The following CREBBP variants were observed in gnomAD, a reference collection of about 807,000 sequenced individuals.
CREBBP encodes the protein CREB binding lysine acetyltransferase, also known as CREB-binding protein.
Under a neutral mutation model 265.0 loss-of-function variants are expected in CREBBP, and 19 were observed. That is an observed-to-expected ratio of 0.07 (90% CI 0.05 to 0.11). CREBBP has a LOEUF of 0.11. CREBBP is among the 10% of genes least tolerant of loss of function. The pLI, the probability that CREBBP is intolerant of heterozygous loss-of-function variation, is 1.00. For missense variants in CREBBP, 2,525 were observed against 3,219.0 expected, an observed-to-expected ratio of 0.78 and a Z score of 5.22; for synonymous variants, 1,457 against 1,223.7, an observed-to-expected ratio of 1.19 and a Z score of -3.98.
intron 16 of CREBBP, 132 bp downstream of exon 16, chr16:3,767,588 G>A (rs1596878044): frequency 4.1e-6 from 5 of 1,233,088 alleles, no homozygotes; most frequent in Non-Finnish European, 5.8e-6. Flanking sequence ...GGAAAGTCTG[G>A]GGAATGGCAG....
chr16:3,737,704 T>G (rs541788637), intron 26 of CREBBP, among the ~76,000 whole-genome samples: 7 of 151,688 alleles, frequency 4.6e-5, no homozygotes, highest in African/African-American at 1.7e-4. Flanking sequence ...TCTCAGGTGA[T>G]CCACCTGCCT....
chr16:3,763,065 C>A (rs912464984), intron 16 of CREBBP, among the ~76,000 whole-genome samples: 1 of 150,810 alleles, frequency 6.6e-6, no homozygotes, highest in East Asian at 2.0e-4. Context: ...TGAGCCACCA[C>A]GCCCGGCCAC....
In CREBBP at chr16:3,725,411, C is replaced by G. The variant is rs1395494027; in HGVS notation, c.*2307G>C. 1 of 233,200 alleles carries G rather than the reference C, an allele frequency of 4.3e-6. No homozygotes were observed. Among genetic ancestry groups the G allele is most frequent in the Non-Finnish European group, 8.5e-6 (1 of 118,056 alleles). The allele number at this position is 233,200 out of a possible 1,614,324, so 14.4% of individuals were successfully genotyped here. A position where few individuals can be genotyped will look rare whatever the true frequency, so the allele number is the denominator to read the frequency against. The stretch of plus-strand genomic sequence containing the variant: ...AGGCTGCACAACCAGGAGGGCGCCA[C>G]TTTCTGAGTGTGGGCTTAGAGCTGC... On this transcript the variant is annotated 3_prime_UTR_variant, in exon 31 of 31. Coordinates refer to ENST00000262367, the MANE Select transcript of CREBBP (RefSeq NM_004380.3).
chr16:3,744,955 C>A lies in CREBBP; in HGVS notation c.3921G>T (p.Val1307=), dbSNP rs1413353738. 1.2e-6 allele frequency: 2 copies of A among 1,611,946 alleles called. No homozygotes were observed. Among genetic ancestry groups the A allele is most frequent in the African/African-American group, 2.7e-5 (2 of 74,846 alleles). Residue 1307 remains valine, a synonymous_variant, in exon 23 of 31, where the codon GTG becomes GTT. Transcript: ENST00000262367. ...CAGTTTTCTTCAAGCAGTTGTCGCACACAAAACTGCAAAATAATAGTGGTA... is the reference window on the plus strand; with the variant it reads ...CAGTTTTCTTCAAGCAGTTGTCGCAAACAAAACTGCAAAATAATAGTGGTA... ...HYDIIWPSGF[V]CDNCLKKTGR... is the part of the protein sequence containing the mutation.
At chr16:3,769,374 C>G (rs758660168) in intron 14 of CREBBP, 21 bp from the exon 15 acceptor site, 1 of 1,613,990 alleles carries the variant, frequency 6.2e-7, no homozygotes, top group Non-Finnish European at 8.5e-7. Context: ...ACCGAAAGCA[C>G]TGACTTCAGT....
chr16:3,725,954 A>C lies in CREBBP; in HGVS notation c.*1764T>G, dbSNP rs1038179164. ...CTCCCCTGCCCATGGTCCTCCTCTC[A>C]GTTTTACGGTTTTTGTGAACTTGTC... On this transcript the variant is annotated 3_prime_UTR_variant, in exon 31 of 31. Transcript: ENST00000262367. The C allele has an allele frequency of 8.6e-6, 2 of 232,918 alleles. No homozygotes were observed. The highest frequency in any genetic ancestry group is 1.7e-5 in the Non-Finnish European group (2 of 117,958). 14.4% of individuals were successfully genotyped at this position (232,918 alleles called of 1,614,324 possible).
At chr16:3,773,612 C>G in intron 13 of CREBBP, 139 bp downstream of exon 13, 1 of 909,390 alleles carries the variant, frequency 1.1e-6, no homozygotes, top group Non-Finnish European at 1.7e-6. Flanking sequence ...GTGGAGAAAA[C>G]AAAGAGAAGC....
chr16:3,736,924 G>A, intron 26 of CREBBP, 109 bp from the exon 27 acceptor site: 1 of 1,332,580 alleles, frequency 7.5e-7, no homozygotes, highest in Non-Finnish European at 1.1e-6. Context: ...GAAGTAACCA[G>A]AGAGAGAGAA....
At chr16:3,822,090 AAATT>A (rs1364048754) in intron 2 of CREBBP, among the ~76,000 whole-genome samples, 5 of 152,198 alleles carry the variant, frequency 3.3e-5, no homozygotes, top group Non-Finnish European at 7.3e-5. Context: ...TGTAAAGACG[AAATT>A]AATTTACACT....
intron 2 of CREBBP, among the ~76,000 whole-genome samples, chr16:3,848,205 A>C (rs1356304894): frequency 6.6e-6 from 1 of 151,936 alleles, no homozygotes; most frequent in Non-Finnish European, 1.5e-5. Context: ...ATATGAGACC[A>C]CTGGAAACGT....
chr16:3,822,393 A>C (rs2054158694), intron 2 of CREBBP, among the ~76,000 whole-genome samples: 1 of 152,232 alleles, frequency 6.6e-6, no homozygotes, highest in Non-Finnish European at 1.5e-5. Flanking sequence ...ACAGCCACTG[A>C]CTATTTCTAG....
At chr16:3,847,380 T>C (rs2054689786) in intron 2 of CREBBP, among the ~76,000 whole-genome samples, 1 of 152,196 alleles carries the variant, frequency 6.6e-6, no homozygotes, top group South Asian at 2.1e-4. Flanking sequence ...AAAATCTAGT[T>C]GGCTCTGCTA....
chr16:3,815,936 T>G (rs1039042689), intron 2 of CREBBP, among the ~76,000 whole-genome samples: 1 of 152,040 alleles, frequency 6.6e-6, no homozygotes, highest in Admixed American at 6.6e-5. Context: ...TAAATAAAAT[T>G]AAAAAAGCAG....
At chr16:3,737,724 A>G (rs988390796) in intron 26 of CREBBP, among the ~76,000 whole-genome samples, 1 of 151,108 alleles carries the variant, frequency 6.6e-6, no homozygotes, top group Non-Finnish European at 1.5e-5. Context: ...TTGGCCTCCC[A>G]AAGTACTAGG....
chr16:3,777,831 GAGAGA>G, intron 10 of CREBBP, 174 bp from the exon 11 acceptor site: 1 of 1,071,374 alleles, frequency 9.3e-7, no homozygotes, highest in South Asian at 1.3e-5. Context: ...GCCTTCCCAA[GAGAGA>G]AACTCAGTGT....
intron 3 of CREBBP, among the ~76,000 whole-genome samples, chr16:3,799,570 G>A (rs984651630): frequency 6.6e-6 from 1 of 152,212 alleles, no homozygotes; most frequent in African/African-American, 2.4e-5. Flanking sequence ...TCATTGTTAA[G>A]GAAGTAATTG....
chr16:3,737,774 T>A (rs2052103747), intron 26 of CREBBP, among the ~76,000 whole-genome samples: 1 of 151,604 alleles, frequency 6.6e-6, no homozygotes, highest in Non-Finnish European at 1.5e-5. Flanking sequence ...TGTATTTTTC[T>A]TTTTTTCTTT....
intron 15 of CREBBP, among the ~76,000 whole-genome samples, chr16:3,768,141 T>G (rs2052906798): frequency 1.0e-5 from 1 of 95,870 alleles, no homozygotes. Flanking sequence ...AAAGTGTTTT[T>G]TTTTTTTTTT....
rs78091932 is a variant in CREBBP at position 3,815,552 on chromosome 16, T to A, written c.799-4773A>T. Among the ~76,000 whole-genome samples the A allele has an allele frequency of 9.0e-5, 13 of 144,060 alleles. No homozygotes were observed. In the East Asian group the frequency reaches 2.0e-3, roughly 22 times the overall value. The allele number at this position is 144,060 out of a possible 152,430, so 94.5% of individuals were successfully genotyped here. On this transcript the variant is annotated intron_variant, in intron 2 of 30. Transcript: ENST00000262367. The stretch of plus-strand genomic sequence containing the variant: ...TCTCAAAAAAAAAAAAAAAAAAAAT[T>A]TTTTTTTTTTTTTGTAAAGCTGGCT...
Sources: allele counts gnomAD v4.1 joint callset (sites outside exome capture counted in the v4.1 genomes callset), GRCh38; gene constraint gnomAD v4.1.1; transcripts MANE v1.5; gene names NCBI Gene and HGNC (gene_info 2026-07-23, HGNC 2026-07-21).